Variants in DPF1 observed in about 807,000 individuals in gnomAD.
DPF1 encodes double PHD fingers 1.
In DPF1, 14 loss-of-function variants were observed where a neutral mutation model predicts 58.7. The observed-to-expected ratio is 0.24, with a 90% CI of 0.16 to 0.37. The LOEUF (loss-of-function observed/expected upper bound fraction) is 0.37. DPF1 is among the 10% of genes least tolerant of loss of function. The pLI, the probability that DPF1 is intolerant of heterozygous loss-of-function variation, is 1.00. For synonymous variants in DPF1, 216 were observed against 216.0 expected (o/e 1.00, Z 0.00); for missense variants, 345 against 529.9 (o/e 0.65, Z 3.43).
intron 3 of DPF1, among the ~76,000 whole-genome samples, chr19:38,221,239 A>C (rs958865067): frequency 3.3e-5 from 5 of 152,144 alleles, no homozygotes; most frequent in Admixed American, 3.3e-4. Context: ...CACCCACAGA[A>C]AAAAATACAG....
At chr19:38,217,627 C>T in intron 6 of DPF1, 36 bp from the exon 7 acceptor site, 1 of 1,530,466 alleles carries the variant, frequency 6.5e-7, no homozygotes, top group Non-Finnish European at 8.8e-7. Flanking sequence ...CCTGTCAGCC[C>T]CTCCGGGCCC....
intron 1 of DPF1, among the ~76,000 whole-genome samples, chr19:38,223,513 CAG>C (rs1174832311): frequency 6.6e-6 from 1 of 152,072 alleles, no homozygotes; most frequent in East Asian, 1.9e-4. Context: ...ATATAAAACA[CAG>C]AAACAGCCAA....
chr19:38,220,298 G>A (rs1162068790), intron 3 of DPF1, among the ~76,000 whole-genome samples: 2 of 99,816 alleles, frequency 2.0e-5, no homozygotes, highest in Non-Finnish European at 4.5e-5. Flanking sequence ...GAGAGAGAGA[G>A]AAAGAAAGAG....
chr19:38,217,377 G>GGCCCCC lies in DPF1; in HGVS notation c.727+82_727+83insGGGGGC. On this transcript the variant is annotated intron_variant, in intron 7 of 11. Coordinates refer to ENST00000355526, the MANE Select transcript of DPF1 (RefSeq NM_001135155.3). ...TGGAGATTTTCCAGAAATGTCTAAT[G>GGCCCCC]CCCCCCCACCCCCACCCCCAGCTGG... The GGCCCCC allele has an allele frequency of 2.8e-5, 22 of 774,478 alleles. 1 individual carries two copies. The highest frequency in any genetic ancestry group is 4.2e-5 in the Non-Finnish European group (22 of 525,994). 48.0% of individuals were successfully genotyped at this position (774,478 alleles called of 1,614,324 possible). A position where few individuals can be genotyped will look rare whatever the true frequency, so the allele number is the denominator to read the frequency against.
chr19:38,213,790 G>T (rs765648677), intron 9 of DPF1, 34 bp from the exon 10 acceptor site: 1 of 1,580,030 alleles, frequency 6.3e-7, no homozygotes, highest in South Asian at 1.1e-5. Flanking sequence ...CAGTTAGGAG[G>T]TCACCGTGCC....
At chr19:38,227,935 T>A (rs1312804048), upstream of DPF1, 1 of 152,226 alleles carries the variant, frequency 6.6e-6, no homozygotes, top group East Asian at 1.9e-4. Context: ...GCCCTCCCAG[T>A]CCAGGCTTAC....
chr19:38,219,996 A>G (rs907577318), intron 3 of DPF1: 1 of 151,312 alleles, frequency 6.6e-6, no homozygotes, highest in African/African-American at 2.4e-5. Flanking sequence ...CCTGGCCAAC[A>G]TGGTAAAACC....
chr19:38,212,037 C>T lies in DPF1; in HGVS notation c.*26G>A, dbSNP rs377328504. 13 of 1,602,340 alleles carry T rather than the reference C, an allele frequency of 8.1e-6. No individual in the cohort carries two copies. In the African/African-American group the frequency reaches 1.6e-4, roughly 20 times the overall value. ...GAGAGGCAGGTAGGCGAGCACCACC[C>T]CAGAGTCGCGGCGAGCCGAGCCGGC... On this transcript the variant is annotated 3_prime_UTR_variant, in exon 12 of 12. Transcript: ENST00000355526.
Position 38,211,927 on chromosome 19 carries a change from A to AG in DPF1, c.*135dup, listed in dbSNP as rs1973453321. The AG allele has an allele frequency of 9.9e-6, 9 of 912,084 alleles. 1 individual carries two copies. In the South Asian group the frequency reaches 1.3e-4, roughly 13 times the overall value. The allele number at this position is 912,084 out of a possible 1,614,324, so 56.5% of individuals were successfully genotyped here. ...CAGACATTCCACTTGCACAGAGGGG[A>AG]GGGGGTGGCCCAGCCCCCTCTCGGC... On this transcript the variant is annotated 3_prime_UTR_variant, in exon 12 of 12. Transcript: ENST00000355526. This position sits in a 1 kb window ranked among gnomAD's most constrained non-coding sequence, Gnocchi z 4.0.
At chr19:38,213,534 ACT>A (rs1230932321) in intron 10 of DPF1, 108 bp downstream of exon 10, 1 of 852,846 alleles carries the variant, frequency 1.2e-6, no homozygotes, top group African/African-American at 1.7e-5. Context: ...AACACAGGGG[ACT>A]GGTGTTCACC....
Position 38,216,420 on chromosome 19 carries a change from A to T in DPF1, c.728-17T>A. On this transcript the variant is annotated splice_polypyrimidine_tract_variant and intron_variant, in intron 7 of 11. Transcript: ENST00000355526. ...TGTAAAACTCTGGGGTAGGGGGGAC[A>T]GAGAGAGGGACTCTCACCACAGGCA... The T allele has an allele frequency of 6.4e-7, 1 of 1,567,780 alleles. No individual in the cohort carries two copies. Among genetic ancestry groups the T allele is most frequent in the Non-Finnish European group, 8.6e-7 (1 of 1,157,268 alleles).
Position 38,213,665 on chromosome 19 carries a change from C to T in DPF1, c.990G>A (p.Leu330=), listed in dbSNP as rs1973632936. Residue 330 remains leucine (L), a synonymous_variant, in exon 10 of 12, where the codon CTG becomes CTA. Transcript: ENST00000355526. ...WQCIECKSCS[L]CGTSENDDQL... ...TCACGTCGTTCTCGGAGGTTCCGCA[C>T]AGGCTGCAGGATTTGCACTCGATGC... The T allele has an allele frequency of 2.5e-6, 4 of 1,613,680 alleles. No individual in the cohort carries two copies. The highest frequency in any genetic ancestry group is 3.4e-6 in the Non-Finnish European group (4 of 1,179,736).
chr19:38,218,329 A>G (rs1967192177), intron 5 of DPF1, among the ~76,000 whole-genome samples: 2 of 152,230 alleles, frequency 1.3e-5, no homozygotes, highest in South Asian at 4.1e-4. Context: ...CCTCTGTGGC[A>G]TGGGGATGAA....
At chr19:38,225,062 C>A (rs917589155), upstream of DPF1, among the ~76,000 whole-genome samples, 17 of 151,862 alleles carry the variant, frequency 1.1e-4, no homozygotes, top group African/African-American at 3.9e-4. Flanking sequence ...ACCAGCCTGG[C>A]CAACATGGTA....
chr19:38,217,837 C>T lies in DPF1; in HGVS notation c.556G>A (p.Ala186Thr), dbSNP rs145138452. Residue 186 changes from alanine (A) to threonine (T), a missense_variant, in exon 6 of 12, where the codon GCT becomes ACT. By Grantham distance (58) the Ala-to-Thr change is moderately conservative. Transcript: ENST00000355526. ...GGCTTGTCTCGGTCCTCCAGGGAAG[C>T]GGTGTCCTGGCGTTTCCGGAGACCC... Reference protein sequence around the residue: ...IGGLRKRQDTASLEDRDKPYV... With the variant: ...IGGLRKRQDTTSLEDRDKPYV... 1.6e-3 allele frequency: 2,652 copies of T among 1,614,094 alleles called. 4 individuals are homozygous for T. Among genetic ancestry groups the T allele is most frequent in the Non-Finnish European group, 2.0e-3 (2,335 of 1,180,008 alleles).
At chr19:38,218,423 T>C in intron 5 of DPF1, 150 bp downstream of exon 5, 1 of 721,698 alleles carries the variant, frequency 1.4e-6, no homozygotes, top group Non-Finnish European at 2.4e-6. Context: ...GTAAAATGGG[T>C]ATAAAATCCC....
At position 38,212,132 on chromosome 19, in the gene DPF1, C is replaced by A; in HGVS notation, c.1095G>T (p.Gly365=). ...GGAGACAGAGGTGACAGCTCCAGCT[C>A]CCTGCGGGGGCAGCCGAAGCTGAAG... is the stretch of plus-strand genomic sequence containing the variant. ...LSPPMAEPPE[G]SWSCHLCLRH... is the part of the protein sequence containing the mutation. Residue 365 remains glycine, a splice_region_variant and synonymous_variant, in exon 12 of 12, where the codon GGG becomes GGT. Coordinates refer to ENST00000355526, the MANE Select transcript of DPF1 (RefSeq NM_001135155.3). The A allele has an allele frequency of 6.2e-7, 1 of 1,609,200 alleles. No individual in the cohort carries two copies. Among genetic ancestry groups the A allele is most frequent in the Non-Finnish European group, 8.5e-7 (1 of 1,178,982 alleles).
chr19:38,226,598 C>T (rs1020829442), upstream of DPF1, among the ~76,000 whole-genome samples: 1 of 151,484 alleles, frequency 6.6e-6, no homozygotes, highest in South Asian at 2.1e-4. Context: ...AAGGTCTTGG[C>T]CGGCCCCTCT....
upstream of DPF1, among the ~76,000 whole-genome samples, chr19:38,225,075 A>C (rs949055767): frequency 1.3e-5 from 2 of 152,098 alleles, no homozygotes; most frequent in Non-Finnish European, 2.9e-5. Flanking sequence ...ACATGGTAGT[A>C]GTCTCTACTA....
Sources: allele counts gnomAD v4.1 joint callset (sites outside exome capture counted in the v4.1 genomes callset), GRCh38; gene constraint gnomAD v4.1.1; non-coding constraint Gnocchi (gnomAD v3.1); transcripts MANE v1.5; gene names NCBI Gene and HGNC (gene_info 2026-07-23, HGNC 2026-07-21).